Variants in DPP6 observed in about 807,000 individuals in gnomAD.
DPP6 encodes the protein A-type potassium channel modulatory protein DPP6.
Under a neutral mutation model 122.6 loss-of-function variants are expected in DPP6, and 69 were observed. That is an observed-to-expected ratio of 0.56 (90% CI 0.46 to 0.69). The LOEUF (loss-of-function observed/expected upper bound fraction) is 0.69. Ranked by LOEUF, DPP6 falls within the 30% of genes least tolerant of loss-of-function variation. The probability of loss-of-function intolerance (pLI) is 0.00; values close to 1 mark genes in which losing one functional copy is unlikely to be tolerated. For missense variants in DPP6, 928 were observed against 1,116.9 expected, an observed-to-expected ratio of 0.83 and a Z score of 2.41; for synonymous variants, 418 against 433.1, an observed-to-expected ratio of 0.97 and a Z score of 0.43.
At chr7:153,954,218 A>G (rs1164059510) in intron 1 of DPP6, among the ~76,000 whole-genome samples, 4 of 152,234 alleles carry the variant, frequency 2.6e-5, no homozygotes, top group Non-Finnish European at 5.9e-5. Context: ...TTGTCTGTAA[A>G]GTGTCACTAT....
chr7:154,889,058 G>A, intron 23 of DPP6, among the ~76,000 whole-genome samples: 1 of 152,200 alleles, frequency 6.6e-6, no homozygotes, highest in Non-Finnish European at 1.5e-5. Flanking sequence ...GGAGCTACAA[G>A]ATGAGATTTG....
rs115081722 is a variant in DPP6, at chr7:153,930,487, G to T, written c.51+42753G>T. On this transcript the variant is annotated intron_variant, in intron 1 of 25. Transcript: ENST00000404039. ...ATTATATTTTTCAATTGACAAAATT[G>T]TGTGTATTTTTCATGTACAACATGA... is the stretch of plus-strand genomic sequence containing the variant. Among the ~76,000 whole-genome samples, 807 of 152,220 alleles carry T rather than the reference G, an allele frequency of 5.3e-3. 7 individuals are homozygous for T. The highest frequency in any genetic ancestry group is 0.018 in the African/African-American group (768 of 41,522).
chr7:154,374,456 T>C (rs763362877), intron 1 of DPP6, among the ~76,000 whole-genome samples: 113 of 152,160 alleles, frequency 7.4e-4, no homozygotes, highest in Non-Finnish European at 7.8e-4. Flanking sequence ...TAGGAGTGCA[T>C]TGACACGTGC....
intron 1 of DPP6, among the ~76,000 whole-genome samples, chr7:154,064,871 C>T (rs564943147): frequency 6.6e-6 from 1 of 152,186 alleles, no homozygotes; most frequent in African/African-American, 2.4e-5. Flanking sequence ...GCACCGCAAG[C>T]GCGTTGCACA....
chr7:154,687,680 G>GGAAGATACATTGATTTCAATGCAAT (rs1267457801), intron 7 of DPP6, among the ~76,000 whole-genome samples: 3 of 152,216 alleles, frequency 2.0e-5, no homozygotes, highest in South Asian at 2.1e-4. Context: ...TTCTTTGGCA[G>GGAAGATACATTGATTTCAATGCAAT]GAAGATACAT....
chr7:154,867,537 C>T (rs1424036668), intron 17 of DPP6, among the ~76,000 whole-genome samples: 1 of 152,166 alleles, frequency 6.6e-6, no homozygotes, highest in African/African-American at 2.4e-5. Context: ...AGATCAGAAT[C>T]CATTTTATTT....
At chr7:153,999,127 C>A (rs185448452) in intron 1 of DPP6, among the ~76,000 whole-genome samples, 1 of 152,318 alleles carries the variant, frequency 6.6e-6, no homozygotes, top group Non-Finnish European at 1.5e-5. Flanking sequence ...GCATTGGGCA[C>A]CACTTGAGTT....
chr7:154,515,096 A>G (rs73163062), intron 3 of DPP6, among the ~76,000 whole-genome samples: 11,989 of 152,288 alleles, frequency 0.079, 519 homozygotes, highest in African/African-American at 0.099. Context: ...CAAAAGAACA[A>G]GCAATATACA....
intron 1 of DPP6, among the ~76,000 whole-genome samples, chr7:154,156,405 C>T (rs1264419142): frequency 6.6e-6 from 1 of 152,122 alleles, no homozygotes; most frequent in African/African-American, 2.4e-5. Context: ...ATTAATATAC[C>T]CTCTCCCAAA....
At chr7:154,336,476 C>T (rs1809435994) in intron 1 of DPP6, among the ~76,000 whole-genome samples, 1 of 152,176 alleles carries the variant, frequency 6.6e-6, no homozygotes, top group African/African-American at 2.4e-5. Flanking sequence ...ACGGCCGCCA[C>T]TCCTGCTATG....
At chr7:154,879,853 G>A (rs1242564259) in intron 20 of DPP6, among the ~76,000 whole-genome samples, 3 of 152,062 alleles carry the variant, frequency 2.0e-5, no homozygotes, top group Non-Finnish European at 2.9e-5. Flanking sequence ...GTGTAAACAG[G>A]GCCCCTACAC....
chr7:154,853,578 G>A (rs1001539005), intron 16 of DPP6, among the ~76,000 whole-genome samples: 1 of 152,226 alleles, frequency 6.6e-6, no homozygotes, highest in African/African-American at 2.4e-5. Flanking sequence ...GTTAACACAG[G>A]TGCAGAGGTA....
At position 154,540,617 on chromosome 7, in the gene DPP6, C is replaced by G; in HGVS notation, c.543C>G (p.Gly181=). 2 of 1,563,438 alleles carry G rather than the reference C, an allele frequency of 1.3e-6. No individual in the cohort carries two copies. The highest frequency in any genetic ancestry group is 1.7e-6 in the Non-Finnish European group (2 of 1,155,292). The change falls in exon 4 of 26, where the codon GGC becomes GGG. Residue 181 remains glycine, a synonymous_variant. Transcript: ENST00000377770. ...ETNTSTVLIE[G]KKIESLRAIR... ...ATACTTCTACTGTCTTAATAGAAGG[C>G]AAAAAAATTGTAAGTACTCTCTTTA...
intron 1 of DPP6, among the ~76,000 whole-genome samples, chr7:154,019,107 T>C (rs944847011): frequency 8.5e-5 from 13 of 152,306 alleles, no homozygotes; most frequent in African/African-American, 3.1e-4. Context: ...TAATAACTTG[T>C]GAAGAAAAAT....
chr7:154,635,031 G>A (rs145981177), intron 5 of DPP6, among the ~76,000 whole-genome samples: 90 of 152,182 alleles, frequency 5.9e-4, no homozygotes, highest in African/African-American at 2.1e-3. Context: ...CAGCGAACAC[G>A]GACTTCTGAC....
chr7:153,972,205 G>C (rs969348513), intron 1 of DPP6, among the ~76,000 whole-genome samples: 19 of 151,018 alleles, frequency 1.3e-4, no homozygotes, highest in African/African-American at 4.4e-4. Context: ...ATGTGCTCTA[G>C]GAGGAGTGAA....
At position 154,483,291 on chromosome 7, in the gene DPP6, C is replaced by A. The variant is rs192279802; in HGVS notation, c.457+8254C>A. ...CACGCACCTCTTCCTGGCTCACAGCCCCAGGGACGTGTTTGTGTAGACAAT... is the reference window on the plus strand; with the variant it reads ...CACGCACCTCTTCCTGGCTCACAGCACCAGGGACGTGTTTGTGTAGACAAT... On this transcript the variant is annotated intron_variant, in intron 3 of 25. Transcript: ENST00000377770. The surrounding 1 kb of genome is among the most constrained non-coding windows in gnomAD (Gnocchi z 8.1). 3.9e-3 allele frequency among the ~76,000 whole-genome samples: 596 copies of A among 152,238 alleles called. 2 individuals carry two copies. The highest frequency in any genetic ancestry group is 6.3e-3 in the Non-Finnish European group (428 of 68,026).
At chr7:154,851,194 G>A (rs1208948639) in intron 16 of DPP6, among the ~76,000 whole-genome samples, 1 of 152,108 alleles carries the variant, frequency 6.6e-6, no homozygotes, top group East Asian at 1.9e-4. Flanking sequence ...AGGCTCAGTA[G>A]CTTTTTTATT....
chr7:154,642,672 C>T (rs1015510884), intron 6 of DPP6, among the ~76,000 whole-genome samples: 2 of 151,986 alleles, frequency 1.3e-5, no homozygotes, highest in African/African-American at 4.8e-5. Context: ...GGTGTGGTGG[C>T]TCACGCCTGT....
Sources: gnomAD v4.1 joint callset for allele counts (sites outside exome capture counted in the v4.1 genomes callset) on GRCh38, gnomAD v4.1.1 for gene constraint, Gnocchi (gnomAD v3.1) non-coding constraint, MANE v1.5 for transcripts, NCBI Gene and HGNC (gene_info 2026-07-23, HGNC 2026-07-21) for gene names.